The following RAD54L variants were observed in gnomAD, a reference collection of about 807,000 sequenced individuals.
RAD54L encodes RAD54 like.
Under a neutral mutation model 91.6 loss-of-function variants are expected in RAD54L, and 74 were observed. The ratio of observed to expected loss-of-function variants is 0.81; its 90% CI spans 0.67 to 0.98. RAD54L has a LOEUF of 0.98. Among genes scored for constraint, RAD54L ranks in the 50% least tolerant of loss-of-function variants. The pLI, the probability that RAD54L is intolerant of heterozygous loss-of-function variation, is 0.00. For synonymous variants in RAD54L, 304 were observed against 349.7 expected, an observed-to-expected ratio of 0.87 and a Z score of 1.46; for missense variants, 887 against 945.7, an observed-to-expected ratio of 0.94 and a Z score of 0.81.
chr1:46,274,392 T>C (rs1660532959), intron 15 of RAD54L, 146 bp from the exon 16 acceptor site: 3 of 1,260,616 alleles, frequency 2.4e-6, no homozygotes, highest in Non-Finnish European at 3.5e-6. Flanking sequence ...TGTGTTGGGA[T>C]TGGCTGGCTG....
chr1:46,266,222 T>G (rs2148293811), intron 8 of RAD54L, among the ~76,000 whole-genome samples: 1 of 152,308 alleles, frequency 6.6e-6, no homozygotes, highest in South Asian at 2.1e-4. Flanking sequence ...GTGACAAGCT[T>G]GGAGAGTGTC....
In RAD54L at chr1:46,267,610, G is replaced by C; in HGVS notation, c.1042+1G>C. The C allele has an allele frequency of 6.2e-7, 1 of 1,608,588 alleles. No individual in the cohort carries two copies. ...CATTTTGTTAATTCCGGCATCCTAG[G>C]TAAGAATCTAGCCTTGTTTGCCACA... On this transcript the variant is annotated splice_donor_variant, in intron 9 of 17. Transcript: ENST00000371975. LOFTEE classifies it high-confidence loss of function.
chr1:46,251,963 T>C (rs1005412413), intron 3 of RAD54L, among the ~76,000 whole-genome samples: 1 of 152,168 alleles, frequency 6.6e-6, no homozygotes, highest in African/African-American at 2.4e-5. Flanking sequence ...GACTGTTTCA[T>C]TCAGGATTTG....
chr1:46,274,116 T>C, intron 14 of RAD54L, 22 bp from the exon 15 acceptor site: 2 of 1,594,338 alleles, frequency 1.3e-6, no homozygotes, highest in Non-Finnish European at 1.7e-6. Context: ...TTTATTTTCT[T>C]GGGTCTCGAA....
Position 46,278,379 on chromosome 1 carries a change from A to C in RAD54L, c.*97A>C. ...CTGTTGAATTTTGTTCTCTGGGAGA[A>C]AATCATCAAGAAGGGCTGCATGATG... On this transcript the variant is annotated 3_prime_UTR_variant, in exon 18 of 18. Coordinates refer to ENST00000371975, the MANE Select transcript of RAD54L (RefSeq NM_003579.4). The C allele has an allele frequency of 7.3e-7, 1 of 1,363,390 alleles. No individual in the cohort carries two copies. The highest frequency in any genetic ancestry group is 1.0e-6 in the Non-Finnish European group (1 of 979,218). The allele number at this position is 1,363,390 out of a possible 1,614,324, so 84.5% of individuals were successfully genotyped here.
At position 46,270,735 on chromosome 1, in the gene RAD54L, C is replaced by A. The variant is rs570472444; in HGVS notation, c.1119C>A (p.Asp373Glu). 2 of 1,614,224 alleles carry A rather than the reference C, an allele frequency of 1.2e-6. No individual in the cohort carries two copies. The highest frequency in any genetic ancestry group is 1.6e-4 in the Middle Eastern group (1 of 6,062). Residue 373 changes from aspartate to glutamate, a missense_variant, in exon 10 of 18, where the codon GAC (aspartate) becomes GAA (glutamate). By Grantham distance (45) the Asp-to-Glu change is conservative. Transcript: ENST00000371975. ...KGRDAAASEA[D>E]RQLGEERLRE... ...GAGACGCTGCTGCTAGTGAGGCAGACAGGCAGCTAGGAGAGGAGCGGCTGC... is the reference window on the plus strand; with the variant it reads ...GAGACGCTGCTGCTAGTGAGGCAGAAAGGCAGCTAGGAGAGGAGCGGCTGC...
At chr1:46,264,288 A>C (rs1428347401) in intron 8 of RAD54L, among the ~76,000 whole-genome samples, 1 of 152,136 alleles carries the variant, frequency 6.6e-6, no homozygotes, top group Non-Finnish European at 1.5e-5. Context: ...AAAGATGGTC[A>C]CCTTACTCCA....
chr1:46,278,383 C>A lies in RAD54L; in HGVS notation c.*101C>A. On this transcript the variant is annotated 3_prime_UTR_variant, in exon 18 of 18. Transcript: ENST00000371975. ...TGAATTTTGTTCTCTGGGAGAAAAT[C>A]ATCAAGAAGGGCTGCATGATGTTTG... is the stretch of plus-strand genomic sequence containing the variant. 3 of 1,310,762 alleles carry A rather than the reference C, an allele frequency of 2.3e-6. No homozygotes were observed. Among genetic ancestry groups the A allele is most frequent in the South Asian group, 1.3e-5 (1 of 78,530 alleles). 81.2% of individuals were successfully genotyped at this position (1,310,762 alleles called of 1,614,324 possible).
chr1:46,262,263 C>T (rs539594009), intron 8 of RAD54L, among the ~76,000 whole-genome samples: 2 of 150,926 alleles, frequency 1.3e-5, no homozygotes, highest in East Asian at 1.9e-4. Context: ...AAAAATTAGC[C>T]GAGCGTGGTG....
intron 12 of RAD54L, 147 bp downstream of exon 12, chr1:46,272,949 A>C: frequency 8.1e-7 from 1 of 1,231,218 alleles, no homozygotes. Context: ...CAAGGCATGA[A>C]CCCTGCATTG....
intron 12 of RAD54L, 147 bp from the exon 13 acceptor site, chr1:46,273,208 C>G (rs1660486868): frequency 1.3e-6 from 1 of 781,326 alleles, no homozygotes; most frequent in Middle Eastern, 2.3e-4. Context: ...CCGACTATAT[C>G]CTGTTGGAAT....
In RAD54L at chr1:46,272,803, G is replaced by GT. The variant is rs761618464; in HGVS notation, c.1375+2dup. On this transcript the variant is annotated splice_donor_variant, in intron 12 of 17. Coordinates refer to ENST00000371975, the MANE Select transcript of RAD54L (RefSeq NM_003579.4). LOFTEE classifies it high-confidence loss of function. ...ACCTCGCTAAAGAAGCTTTGTAATC[G>GT]TGAGTTGGGCTTGTGTCCTGGTGTC... 2.0e-5 allele frequency: 32 copies of GT among 1,613,934 alleles called. No homozygotes were observed. The highest frequency in any genetic ancestry group is 2.7e-5 in the Non-Finnish European group (32 of 1,180,012).
chr1:46,259,217 G>C (rs1660028588), intron 4 of RAD54L, among the ~76,000 whole-genome samples: 1 of 149,076 alleles, frequency 6.7e-6, no homozygotes, highest in African/African-American at 2.5e-5. Context: ...ATTTCACTAT[G>C]TTGGCCAGGC....
At chr1:46,259,849 G>C in intron 4 of RAD54L, 115 bp from the exon 5 acceptor site, 1 of 1,380,240 alleles carries the variant, frequency 7.2e-7, no homozygotes, top group East Asian at 2.3e-5. Flanking sequence ...CATTCTCAGA[G>C]AGAGAGGGTC....
chr1:46,253,277 T>C (rs927681201), intron 3 of RAD54L, among the ~76,000 whole-genome samples: 1 of 152,214 alleles, frequency 6.6e-6, no homozygotes, highest in Non-Finnish European at 1.5e-5. Context: ...CTGAAACATT[T>C]TGACTTGTAT....
At position 46,260,603 on chromosome 1, in the gene RAD54L, C is replaced by A. The variant is rs975812833; in HGVS notation, c.469C>A (p.Gln157Lys). ...TCTCAGTAAGGTTTTGCGGCCTCAT[C>A]AGAGAGAGGTAAATGAGGGTGAGGG... ...PILSKVLRPH[Q>K]REGVKFLWEC... Residue 157 changes from glutamine (Q) to lysine (K), a missense_variant, in exon 6 of 18, where the codon CAG becomes AAG. Transcript: ENST00000371975. 2.5e-6 allele frequency: 4 copies of A among 1,613,898 alleles called. No homozygotes were observed. In the African/African-American group the frequency reaches 4.0e-5, roughly 16 times the overall value.
rs1454879046 is a variant in RAD54L, at chr1:46,248,503, C to A, written c.4-9C>A. On this transcript the variant is annotated splice_polypyrimidine_tract_variant and intron_variant, in intron 1 of 17. Transcript: ENST00000371975. ...CCTTGCAGGCACTGTTTCTGTTCTC[C>A]CTTTACAGAGGAGGAGCTTGGCTCC... 1 of 1,614,064 alleles carries A rather than the reference C, an allele frequency of 6.2e-7. No homozygotes were observed.
rs531261424 is a variant in RAD54L at position 46,264,085 on chromosome 1, C to T, written c.891+2700C>T. On this transcript the variant is annotated intron_variant, in intron 8 of 17. Coordinates refer to ENST00000371975, the MANE Select transcript of RAD54L (RefSeq NM_003579.4). Reference sequence around the variant, plus strand: ...TGCTGGGATTACAGGTTTGAGCCACCGTGCCCAGCCTTTTTCTACTCCTTA... The same window carrying T: ...TGCTGGGATTACAGGTTTGAGCCACTGTGCCCAGCCTTTTTCTACTCCTTA... Among the ~76,000 whole-genome samples, 50 of 152,314 alleles carry T rather than the reference C, an allele frequency of 3.3e-4. No individual in the cohort carries two copies. In the South Asian group the frequency reaches 1.0e-2, roughly 30 times the overall value.
Position 46,270,770 on chromosome 1 carries a change from C to A in RAD54L, c.1154C>A (p.Thr385Asn). ...GGAGAGGAGCGGCTGCGGGAGCTCACCAGCATTGTGAATAGGTAATGACCT... is the reference window on the plus strand; with the variant it reads ...GGAGAGGAGCGGCTGCGGGAGCTCAACAGCATTGTGAATAGGTAATGACCT... ...QLGEERLREL[T>N]SIVNRCLIRR... Residue 385 changes from threonine to asparagine, a missense_variant, in exon 10 of 18, where the codon ACC becomes AAC. Transcript: ENST00000371975. 1 of 1,614,146 alleles carries A rather than the reference C, an allele frequency of 6.2e-7. No individual in the cohort carries two copies. The highest frequency in any genetic ancestry group is 8.5e-7 in the Non-Finnish European group (1 of 1,180,016).
Sources: allele counts gnomAD v4.1 joint callset (sites outside exome capture counted in the v4.1 genomes callset), GRCh38; gene constraint gnomAD v4.1.1; transcripts MANE v1.5; gene names NCBI Gene and HGNC (gene_info 2026-07-23, HGNC 2026-07-21).